Variants in METTL8 observed in about 807,000 individuals in gnomAD.
The protein encoded by METTL8 is methyltransferase 8, tRNA N3-cytidine, also known as tRNA N(3)-cytidine methyltransferase METTL8, mitochondrial.
Under a neutral mutation model 48.7 loss-of-function variants are expected in METTL8, and 32 were observed. The ratio of observed to expected loss-of-function variants is 0.66; its 90% CI spans 0.50 to 0.88. The LOEUF (loss-of-function observed/expected upper bound fraction) is 0.88, where lower values mean the gene tolerates loss of function less well. Among genes scored for constraint, METTL8 ranks in the 40% least tolerant of loss-of-function variants. METTL8 has a pLI of 0.00. For synonymous variants in METTL8, 136 were observed against 157.1 expected, an observed-to-expected ratio of 0.87 and a Z score of 1.01; for missense variants, 464 against 474.4, an observed-to-expected ratio of 0.98 and a Z score of 0.20.
intron 2 of METTL8, among the ~76,000 whole-genome samples, chr2:171,363,323 T>C (rs1293650086): frequency 6.6e-6 from 1 of 152,100 alleles, no homozygotes; most frequent in African/African-American, 2.4e-5. Flanking sequence ...TTTATGGCAG[T>C]TCTTTATTTT....
At chr2:171,433,189 C>T (rs1693304978) in intron 1 of METTL8, 1 of 152,220 alleles carries the variant, frequency 6.6e-6, no homozygotes, top group African/African-American at 2.4e-5. Flanking sequence ...CCAGCCTGCA[C>T]TGAGATGTGG....
intron 1 of METTL8, among the ~76,000 whole-genome samples, chr2:171,408,560 G>C (rs1690429225): frequency 6.6e-6 from 1 of 152,196 alleles, no homozygotes; most frequent in African/African-American, 2.4e-5. Context: ...CCAAAGTGCT[G>C]GGATTACAGG....
chr2:171,381,749 A>G (rs1687563552), intron 2 of METTL8, among the ~76,000 whole-genome samples: 1 of 149,746 alleles, frequency 6.7e-6, no homozygotes. Flanking sequence ...GAAACAATAG[A>G]CGCTGACAAG....
intron 1 of METTL8, among the ~76,000 whole-genome samples, chr2:171,394,640 T>C (rs1688887054): frequency 6.6e-6 from 1 of 152,244 alleles, no homozygotes; most frequent in African/African-American, 2.4e-5. Context: ...CACTTGCTTA[T>C]CTATAACAGT....
At chr2:171,418,379 C>A (rs1237739643) in intron 1 of METTL8, among the ~76,000 whole-genome samples, 1 of 152,098 alleles carries the variant, frequency 6.6e-6, no homozygotes, top group African/African-American at 2.4e-5. Flanking sequence ...GTATATGCCC[C>A]TTTTACATAG....
At position 171,337,518 on chromosome 2, in the gene METTL8, C is replaced by T; in HGVS notation, c.607-16G>A. ...CACAACCAACCTAAAATCAAAAGAA[C>T]AAGCAAATATCAAAAAAAGCAAGGT... On this transcript the variant is annotated splice_polypyrimidine_tract_variant and intron_variant, in intron 4 of 9. Transcript: ENST00000375258. 1 of 1,591,116 alleles carries T rather than the reference C, an allele frequency of 6.3e-7. No homozygotes were observed. Among genetic ancestry groups the T allele is most frequent in the Non-Finnish European group, 8.5e-7 (1 of 1,169,636 alleles).
intron 6 of METTL8, 53 bp from the exon 7 acceptor site, chr2:171,330,751 A>ATT: frequency 1.0e-4 from 119 of 1,195,346 alleles, no homozygotes; most frequent in South Asian, 1.4e-4. Context: ...GACTTCCGGG[A>ATT]TTTTTTTTTT....
chr2:171,368,280 G>T (rs13414723), intron 2 of METTL8, among the ~76,000 whole-genome samples: 8,288 of 152,234 alleles, frequency 0.054, 242 homozygotes, highest in African/African-American at 0.073. Context: ...CTGAGGAAAA[G>T]TACTCATATG....
At chr2:171,434,753 G>T, upstream of METTL8, 2 of 1,390,454 alleles carry the variant, frequency 1.4e-6, no homozygotes, top group Non-Finnish European at 1.8e-6. Context: ...GCGCGCGGCG[G>T]CCGAGCCTCC....
intron 1 of METTL8, among the ~76,000 whole-genome samples, chr2:171,402,867 C>CT (rs1689781396): frequency 6.6e-6 from 1 of 152,052 alleles, no homozygotes; most frequent in Non-Finnish European, 1.5e-5. Flanking sequence ...ACCTACAGTG[C>CT]TGAGGGTATT....
At chr2:171,393,629 C>T (rs1688791097) in intron 1 of METTL8, among the ~76,000 whole-genome samples, 2 of 152,136 alleles carry the variant, frequency 1.3e-5, no homozygotes, top group Non-Finnish European at 2.9e-5. Flanking sequence ...CATTGTAATA[C>T]TGCTTGACAT....
rs374613101 is a variant in METTL8 at position 171,383,857 on chromosome 2, C to A, written c.143+8186G>T. Among the ~76,000 whole-genome samples, 8 of 152,300 alleles carry A rather than the reference C, an allele frequency of 5.3e-5. 1 individual carries two copies. The highest frequency in any genetic ancestry group is 1.9e-4 in the African/African-American group (8 of 41,566). Reference sequence around the variant, plus strand: ...TAGGCAAAATGTAAAATGGTTCAGTCACTGTGGAAAACAATTTGAGTTTCT... The same window carrying A: ...TAGGCAAAATGTAAAATGGTTCAGTAACTGTGGAAAACAATTTGAGTTTCT... On this transcript the variant is annotated intron_variant, in intron 2 of 9. Transcript: ENST00000375258.
At chr2:171,409,941 T>C (rs1379562869) in intron 1 of METTL8, among the ~76,000 whole-genome samples, 1 of 152,110 alleles carries the variant, frequency 6.6e-6, no homozygotes, top group Non-Finnish European at 1.5e-5. Flanking sequence ...AATTTCGACC[T>C]AGAGCCAGAC....
At position 171,322,375 on chromosome 2, in the gene METTL8, C is replaced by A. The variant is rs2105376793; in HGVS notation, c.*1797G>T. On this transcript the variant is annotated 3_prime_UTR_variant, in exon 10 of 10. Coordinates refer to ENST00000375258, the MANE Select transcript of METTL8 (RefSeq NM_001321154.2). ...ACCAGAAAGGGTCTGGATCCAGACG[C>A]CAAGAGAGGATTCTTGGATCTTGTG... The A allele has an allele frequency of 6.6e-6, 1 of 152,040 alleles. No individual in the cohort carries two copies. The highest frequency in any genetic ancestry group is 1.5e-5 in the Non-Finnish European group (1 of 68,002). The allele number at this position is 152,040 out of a possible 1,614,324, so 9.4% of individuals were successfully genotyped here.
chr2:171,421,749 C>T (rs964782495), intron 1 of METTL8, among the ~76,000 whole-genome samples: 3 of 151,978 alleles, frequency 2.0e-5, no homozygotes, highest in Non-Finnish European at 4.4e-5. Flanking sequence ...ATAAGGAGGG[C>T]CAACTTTTCA....
At chr2:171,416,393 C>T (rs1419122247) in intron 1 of METTL8, among the ~76,000 whole-genome samples, 1 of 152,272 alleles carries the variant, frequency 6.6e-6, no homozygotes, top group Non-Finnish European at 1.5e-5. Context: ...TTTCCTCAAA[C>T]TGCCACCTCA....
intron 2 of METTL8, among the ~76,000 whole-genome samples, chr2:171,382,378 A>G (rs1276184480): frequency 6.6e-6 from 1 of 152,232 alleles, no homozygotes; most frequent in Non-Finnish European, 1.5e-5. Context: ...GCAGCCATAA[A>G]AAAGAATGAG....
chr2:171,428,624 T>C (rs900747197), intron 1 of METTL8, among the ~76,000 whole-genome samples: 3 of 152,212 alleles, frequency 2.0e-5, no homozygotes, highest in Admixed American at 6.5e-5. Context: ...GGGAGAATTA[T>C]ATTACTACTC....
intron 1 of METTL8, among the ~76,000 whole-genome samples, 163 bp from the exon 2 acceptor site, chr2:171,392,360 T>A (rs1332496328): frequency 6.6e-6 from 1 of 152,198 alleles, no homozygotes; most frequent in East Asian, 1.9e-4. Context: ...CTGAAGTATA[T>A]TCAGGCCAAG....
Sources: gnomAD v4.1 joint callset for allele counts (sites outside exome capture counted in the v4.1 genomes callset) on GRCh38, gnomAD v4.1.1 for gene constraint, MANE v1.5 for transcripts, NCBI Gene and HGNC (gene_info 2026-07-23, HGNC 2026-07-21) for gene names.